Variants in ADGRL3 observed in about 807,000 individuals in gnomAD.
ADGRL3 encodes calcium-independent alpha-latrotoxin receptor 3.
Under a neutral mutation model 153.5 loss-of-function variants are expected in ADGRL3, and 62 were observed. The ratio of observed to expected loss-of-function variants is 0.40; its 90% CI spans 0.33 to 0.50. The LOEUF (loss-of-function observed/expected upper bound fraction) is 0.50, where lower values mean the gene tolerates loss of function less well. Ranked by LOEUF, ADGRL3 falls within the 20% of genes least tolerant of loss-of-function variation. The probability of loss-of-function intolerance (pLI) is 0.47; values close to 1 mark genes in which losing one functional copy is unlikely to be tolerated. For synonymous variants in ADGRL3, 710 were observed against 672.5 expected, an observed-to-expected ratio of 1.06 and a Z score of -0.86; for missense variants, 1,641 against 1,859.4, an observed-to-expected ratio of 0.88 and a Z score of 2.16.
intron 5 of ADGRL3, among the ~76,000 whole-genome samples, chr4:61,630,903 A>G (rs1025329262): frequency 1.3e-5 from 2 of 152,234 alleles, no homozygotes; most frequent in Non-Finnish European, 2.9e-5. Context: ...AAATAGGACT[A>G]ATTTTCCCTT....
At chr4:62,045,326 A>G (rs1348370086) in intron 25 of ADGRL3, among the ~76,000 whole-genome samples, 1 of 151,960 alleles carries the variant, frequency 6.6e-6, no homozygotes, top group Non-Finnish European at 1.5e-5. Flanking sequence ...TAGATGCAAC[A>G]TTTGTGGAGA....
intron 17 of ADGRL3, among the ~76,000 whole-genome samples, chr4:61,970,609 G>A (rs369047251): frequency 6.6e-6 from 1 of 151,988 alleles, no homozygotes; most frequent in African/African-American, 2.4e-5. Context: ...TATGAATGTT[G>A]TATGCTCTTA....
chr4:61,885,648 C>A (rs2098534257), intron 9 of ADGRL3, among the ~76,000 whole-genome samples: 1 of 152,102 alleles, frequency 6.6e-6, no homozygotes, highest in Non-Finnish European at 1.5e-5. Flanking sequence ...AAATTAATTT[C>A]CAAATCCATT....
rs757196172 is a variant in ADGRL3, at chr4:62,056,027, T to C, written c.3814+11478T>C. ...CTACAAGGCTCCTAATAAAATTACGTTGAAACATTTTTTGAGGAAGAGGAT... is the reference window on the plus strand; with the variant it reads ...CTACAAGGCTCCTAATAAAATTACGCTGAAACATTTTTTGAGGAAGAGGAT... On this transcript the variant is annotated intron_variant, in intron 25 of 26. Transcript: ENST00000683033. 2.0e-4 allele frequency among the ~76,000 whole-genome samples: 30 copies of C among 151,666 alleles called. 1 individual carries two copies. Among genetic ancestry groups the C allele is most frequent in the Admixed American group, 1.3e-3 (19 of 15,198 alleles).
At chr4:61,845,757 C>T (rs2098110094) in intron 9 of ADGRL3, among the ~76,000 whole-genome samples, 1 of 152,012 alleles carries the variant, frequency 6.6e-6, no homozygotes, top group African/African-American at 2.4e-5. Context: ...CGCTTAATGA[C>T]AGAAATAAAT....
chr4:61,321,887 G>A lies in ADGRL3; in HGVS notation c.-239-61237G>A, dbSNP rs569735701. Among the ~76,000 whole-genome samples the A allele has an allele frequency of 2.2e-4, 33 of 152,224 alleles. 1 individual carries two copies. In the South Asian group the frequency reaches 6.6e-3, roughly 31 times the overall value. The stretch of plus-strand genomic sequence containing the variant: ...AATAAAAATAATATAAATTGGTTAG[G>A]AGGAAGGAGGTAGATTAAATAGTCA... On this transcript the variant is annotated intron_variant, in intron 1 of 26. Coordinates refer to ENST00000683033, the MANE Select transcript of ADGRL3 (RefSeq NM_001387552.1).
intron 11 of ADGRL3, among the ~76,000 whole-genome samples, chr4:61,897,231 G>A (rs918867360): frequency 3.3e-5 from 5 of 152,070 alleles, no homozygotes; most frequent in African/African-American, 1.2e-4. Context: ...ATCCTGTAGA[G>A]TCTGTAAAAC....
chr4:61,530,943 G>C (rs1427622745), intron 4 of ADGRL3, among the ~76,000 whole-genome samples: 1 of 152,138 alleles, frequency 6.6e-6, no homozygotes, highest in Non-Finnish European at 1.5e-5. Context: ...TAAAATCCTT[G>C]AGGTAAGGAC....
At chr4:61,715,849 G>T (rs945857932) in intron 6 of ADGRL3, among the ~76,000 whole-genome samples, 1 of 150,034 alleles carries the variant, frequency 6.7e-6, no homozygotes, top group Non-Finnish European at 1.5e-5. Flanking sequence ...CAATTGGTCA[G>T]CATGGCTCTA....
chr4:61,751,661 A>C (rs775360531), intron 8 of ADGRL3, among the ~76,000 whole-genome samples: 5 of 152,190 alleles, frequency 3.3e-5, no homozygotes, highest in Non-Finnish European at 7.3e-5. Context: ...ATTAGTTAGA[A>C]ACTTTTGCAG....
chr4:61,269,829 A>AAATACAT (rs1207522216), intron 1 of ADGRL3, among the ~76,000 whole-genome samples: 1 of 151,696 alleles, frequency 6.6e-6, no homozygotes, highest in Non-Finnish European at 1.5e-5. Flanking sequence ...CATTTCATTA[A>AAATACAT]AATACGTAAT....
chr4:61,687,685 T>C (rs2095471468), intron 6 of ADGRL3, among the ~76,000 whole-genome samples: 1 of 152,008 alleles, frequency 6.6e-6, no homozygotes, highest in Admixed American at 6.6e-5. Flanking sequence ...TACACTCATC[T>C]ACAATTTATA....
At position 61,432,879 on chromosome 4, in the gene ADGRL3, C is replaced by T. The variant is rs193142314; in HGVS notation, c.-174+49690C>T. ...TGTTGGTCAGGCTGGTCTTGAACTCCTGACCTCAGTTGATCCGCCTGCCTC... is the reference window on the plus strand; with the variant it reads ...TGTTGGTCAGGCTGGTCTTGAACTCTTGACCTCAGTTGATCCGCCTGCCTC... On this transcript the variant is annotated intron_variant, in intron 2 of 26. Transcript: ENST00000683033. Among the ~76,000 whole-genome samples the T allele has an allele frequency of 2.8e-3, 422 of 151,746 alleles. 4 individuals carry two copies. Among genetic ancestry groups the T allele is most frequent in the African/African-American group, 9.6e-3 (398 of 41,366 alleles).
intron 5 of ADGRL3, among the ~76,000 whole-genome samples, chr4:61,609,905 T>C (rs189272528): frequency 6.6e-6 from 1 of 151,944 alleles, no homozygotes; most frequent in Non-Finnish European, 1.5e-5. Flanking sequence ...CCCAAAGAAA[T>C]TGAAATGAAA....
chr4:61,275,698 A>G (rs950119861), intron 1 of ADGRL3, among the ~76,000 whole-genome samples: 9 of 152,110 alleles, frequency 5.9e-5, no homozygotes, highest in Non-Finnish European at 2.9e-5. Flanking sequence ...AACCCACTTG[A>G]CCCATTTATA....
At chr4:61,950,499 G>A (rs2098942924) in intron 17 of ADGRL3, among the ~76,000 whole-genome samples, 1 of 152,148 alleles carries the variant, frequency 6.6e-6, no homozygotes, top group Non-Finnish European at 1.5e-5. Flanking sequence ...CATGGTAAAA[G>A]AGTTTAGAAT....
intron 8 of ADGRL3, among the ~76,000 whole-genome samples, chr4:61,803,214 T>A (rs191624105): frequency 8.5e-5 from 13 of 152,240 alleles, no homozygotes; most frequent in Admixed American, 7.8e-4. Flanking sequence ...ACAGGAGTTA[T>A]GTGAAAAAAT....
chr4:61,673,563 G>A (rs1036985936), intron 5 of ADGRL3, among the ~76,000 whole-genome samples: 1 of 151,174 alleles, frequency 6.6e-6, no homozygotes, highest in Non-Finnish European at 1.5e-5. Flanking sequence ...AACTACAAAA[G>A]GAGTCTTTGT....
At chr4:61,629,302 T>C (rs1358871488) in intron 5 of ADGRL3, among the ~76,000 whole-genome samples, 2 of 152,146 alleles carry the variant, frequency 1.3e-5, no homozygotes, top group Admixed American at 1.3e-4. Context: ...ACACCCCTAT[T>C]ATTACTTACT....
Sources: gnomAD v4.1 joint callset for allele counts (sites outside exome capture counted in the v4.1 genomes callset) on GRCh38, gnomAD v4.1.1 for gene constraint, MANE v1.5 for transcripts, NCBI Gene and HGNC (gene_info 2026-07-23, HGNC 2026-07-21) for gene names.